The following P2RY14 variants were observed in gnomAD, a reference collection of about 807,000 sequenced individuals.
The protein encoded by P2RY14 is purinergic receptor P2Y14.
A neutral mutation model predicts 0.9 loss-of-function variants in P2RY14; 2 were observed. That is an observed-to-expected ratio of 2.16 (90% CI 0.88 to 6.79). P2RY14 has a LOEUF of 6.79. Among genes scored for constraint, P2RY14 ranks in the 30% most tolerant of loss-of-function variants. The pLI, the probability that P2RY14 is intolerant of heterozygous loss-of-function variation, is 0.05. For synonymous variants in P2RY14, 158 were observed against 147.2 expected (o/e 1.07, Z -0.53); for missense variants, 378 against 400.1 (o/e 0.94, Z 0.47).
intron 1 of P2RY14, among the ~76,000 whole-genome samples, chr3:151,251,005 C>A (rs1736743633): frequency 6.6e-6 from 1 of 152,294 alleles, no homozygotes; most frequent in Middle Eastern, 3.4e-3. Flanking sequence ...ATTAAGGCAG[C>A]TTTTGATGAT....
At chr3:151,273,156 T>A (rs2149568296) in intron 1 of P2RY14, among the ~76,000 whole-genome samples, 1 of 151,850 alleles carries the variant, frequency 6.6e-6, no homozygotes, top group Non-Finnish European at 1.5e-5. Flanking sequence ...CTTATAGTCA[T>A]CAGAGCACCA....
chr3:151,258,609 G>T (rs1456630687), intron 1 of P2RY14, among the ~76,000 whole-genome samples: 1 of 152,018 alleles, frequency 6.6e-6, no homozygotes, highest in Admixed American at 6.6e-5. Flanking sequence ...GTTCACTTTA[G>T]ATCTAGCCTC....
At chr3:151,244,009 A>G (rs1026730439) in intron 1 of P2RY14, among the ~76,000 whole-genome samples, 1 of 133,142 alleles carries the variant, frequency 7.5e-6, no homozygotes, top group Non-Finnish European at 1.7e-5. Context: ...AAAGATCAAA[A>G]GAGACAAAGA....
rs557315475 is a variant in P2RY14, at chr3:151,244,837, T to C, written c.-132-25195A>G. 1.1e-3 allele frequency among the ~76,000 whole-genome samples: 174 copies of C among 152,248 alleles called. 2 individuals carry two copies. The highest frequency in any genetic ancestry group is 3.7e-3 in the African/African-American group (155 of 41,548). On this transcript the variant is annotated intron_variant, in intron 1 of 2. Coordinates refer to ENST00000309170, the MANE Select transcript of P2RY14 (RefSeq NM_014879.4). ...AATTAATGAATCCAGGAGCTGGTTT[T>C]TTTGAAAGGATCAACAAAATTGATA...
intron 1 of P2RY14, among the ~76,000 whole-genome samples, chr3:151,256,561 T>C (rs1198235398): frequency 3.9e-5 from 6 of 152,184 alleles, no homozygotes; most frequent in Admixed American, 1.3e-4. Context: ...ATTTTTTTCC[T>C]AATGTAGGCA....
chr3:151,275,559 C>T (rs1236401922), intron 1 of P2RY14, among the ~76,000 whole-genome samples: 1 of 152,064 alleles, frequency 6.6e-6, no homozygotes, highest in Non-Finnish European at 1.5e-5. Flanking sequence ...CTTTAAAGAA[C>T]AGGTGGATTG....
rs1006076424 is a variant in P2RY14, at chr3:151,212,389, A to G, written c.*911T>C. On this transcript the variant is annotated 3_prime_UTR_variant, in exon 3 of 3. Transcript: ENST00000309170. ...TTGCACTCATTAATGTAAATTTTAG[A>G]TTTAAAAAAATCAAGTTTATTTGCT... is the stretch of plus-strand genomic sequence containing the variant. 1 of 152,256 alleles carries G rather than the reference A, an allele frequency of 6.6e-6. No homozygotes were observed. Among genetic ancestry groups the G allele is most frequent in the East Asian group, 1.9e-4 (1 of 5,182 alleles). 9.4% of individuals were successfully genotyped at this position (152,256 alleles called of 1,614,324 possible).
At chr3:151,267,852 A>T (rs1429649875) in intron 1 of P2RY14, among the ~76,000 whole-genome samples, 1 of 152,208 alleles carries the variant, frequency 6.6e-6, no homozygotes, top group Non-Finnish European at 1.5e-5. Flanking sequence ...AATATCAAGG[A>T]AACAGCTGTC....
intron 1 of P2RY14, among the ~76,000 whole-genome samples, chr3:151,250,616 A>G (rs1357954703): frequency 6.6e-6 from 1 of 152,168 alleles, no homozygotes; most frequent in Non-Finnish European, 1.5e-5. Context: ...TTTCTTTTTA[A>G]GACTGAATAA....
At chr3:151,248,736 G>T (rs1036421077) in intron 1 of P2RY14, 1 of 152,050 alleles carries the variant, frequency 6.6e-6, no homozygotes, top group African/African-American at 2.4e-5. Context: ...GTCTTGCATA[G>T]CCTATAACTC....
chr3:151,274,655 C>T (rs1021719509), intron 1 of P2RY14, among the ~76,000 whole-genome samples: 1 of 152,170 alleles, frequency 6.6e-6, no homozygotes, highest in Non-Finnish European at 1.5e-5. Context: ...CAGTAAATGA[C>T]TTCTGATGAG....
intron 1 of P2RY14, among the ~76,000 whole-genome samples, chr3:151,256,768 T>G (rs1737884978): frequency 1.3e-5 from 2 of 151,890 alleles, no homozygotes; most frequent in Admixed American, 6.6e-5. Context: ...AGCAGAGCAT[T>G]TTGTTAATAC....
chr3:151,228,752 C>A (rs1193288677), intron 1 of P2RY14, among the ~76,000 whole-genome samples: 2 of 152,220 alleles, frequency 1.3e-5, no homozygotes, highest in East Asian at 1.9e-4. Context: ...AGCTCTGCAT[C>A]ACTCCTGGCT....
chr3:151,218,224 C>G (rs954583343), intron 2 of P2RY14, among the ~76,000 whole-genome samples: 1 of 152,194 alleles, frequency 6.6e-6, no homozygotes, highest in Non-Finnish European at 1.5e-5. Context: ...GTGTGCTCAG[C>G]AACCCTCCCT....
At chr3:151,250,264 T>C (rs942949560) in intron 1 of P2RY14, among the ~76,000 whole-genome samples, 2 of 152,180 alleles carry the variant, frequency 1.3e-5, no homozygotes, top group Non-Finnish European at 2.9e-5. Flanking sequence ...TTGAGGTAGC[T>C]TTTTTGGGAT....
intron 1 of P2RY14, among the ~76,000 whole-genome samples, chr3:151,227,638 C>G (rs1184561241): frequency 6.6e-6 from 1 of 152,154 alleles, no homozygotes; most frequent in African/African-American, 2.4e-5. Context: ...GCATAGGCAC[C>G]TCATGACCTC....
At position 151,214,042 on chromosome 3, in the gene P2RY14, A is replaced by G. The variant is rs1264718970; in HGVS notation, c.275T>C (p.Phe92Ser). The change falls in exon 3 of 3, where the codon TTT becomes TCT. Residue 92 changes from phenylalanine to serine, a missense_variant. Physicochemically the swap from Phe to Ser is radical, Grantham distance 155. Transcript: ENST00000309170. ...GAGCACGGCAGAGACCCTGCACACA[A>G]ACACGTTCAGCTGCCAGGGACCAAG... ...SGLGPWQLNV[F>S]VCRVSAVLFY... 1.9e-6 allele frequency: 3 copies of G among 1,614,154 alleles called. No homozygotes were observed. The highest frequency in any genetic ancestry group is 2.2e-5 in the East Asian group (1 of 44,866).
chr3:151,268,554 A>G (rs1740269925), intron 1 of P2RY14, among the ~76,000 whole-genome samples: 1 of 152,212 alleles, frequency 6.6e-6, no homozygotes, highest in East Asian at 1.9e-4. Flanking sequence ...TTTGTGAGTT[A>G]GACATTTTGT....
At position 151,213,563 on chromosome 3, in the gene P2RY14, C is replaced by T. The variant is rs768554240; in HGVS notation, c.754G>A (p.Ala252Thr). ...FFVCFVPYHI[A>T]RIPYTKSQTE... ...TGACTCTTTGTGTAGGGGATTCTGGCAATATGGTAAGGTACAAAACAGACA... is the reference window on the plus strand; with the variant it reads ...TGACTCTTTGTGTAGGGGATTCTGGTAATATGGTAAGGTACAAAACAGACA... Residue 252 changes from alanine to threonine, a missense_variant, in exon 3 of 3, where the codon GCC (alanine) becomes ACC (threonine). Physicochemically the swap from Ala to Thr is moderately conservative, Grantham distance 58 (BLOSUM62 0). Coordinates refer to ENST00000309170, the MANE Select transcript of P2RY14 (RefSeq NM_014879.4). The T allele has an allele frequency of 1.2e-6, 2 of 1,614,050 alleles. No individual in the cohort carries two copies. The highest frequency in any genetic ancestry group is 1.7e-6 in the Non-Finnish European group (2 of 1,179,998).
Sources: allele counts gnomAD v4.1 joint callset (sites outside exome capture counted in the v4.1 genomes callset), GRCh38; gene constraint gnomAD v4.1.1; transcripts MANE v1.5; gene names NCBI Gene and HGNC (gene_info 2026-07-23, HGNC 2026-07-21).